MAP9: variants seen among roughly 807,000 people sequenced by gnomAD.
MAP9 encodes microtubule associated protein 9.
In MAP9, 80 loss-of-function variants were observed where a neutral mutation model predicts 75.2. That is an observed-to-expected ratio of 1.06 (90% confidence interval 0.89 to 1.28). The LOEUF (loss-of-function observed/expected upper bound fraction) is 1.28. Ranked by LOEUF, MAP9 falls within the 50% of genes most tolerant of loss-of-function variation. MAP9 has a pLI of 0.00. For synonymous variants in MAP9, 235 were observed against 237.3 expected (o/e 0.99, Z 0.09); for missense variants, 753 against 719.9 (o/e 1.05, Z -0.53).
chr4:155,361,987 C>T (rs2111241343), intron 6 of MAP9, 61 bp downstream of exon 6: 1 of 957,710 alleles, frequency 1.0e-6, no homozygotes, highest in East Asian at 2.5e-5. Context: ...ATTTCTCTTA[C>T]AAACAGGAGT....
In MAP9 at chr4:155,368,696, C is replaced by T. The variant is rs778932876; in HGVS notation, c.598G>A (p.Ala200Thr). 1 of 1,614,046 alleles carries T rather than the reference C, an allele frequency of 6.2e-7. No individual in the cohort carries two copies. The highest frequency in any genetic ancestry group is 1.7e-5 in the Admixed American group (1 of 60,014). ...EKDGLEDKET[A>T]LSEELELHSA... ...TGTAACTCCAATTCTTCACTGAGGG[C>T]AGTTTCTTTATCTTCTAGTCCATCC... The change falls in exon 5 of 14, where the codon GCC becomes ACC. Residue 200 changes from alanine to threonine, a missense_variant. Physicochemically the swap from Ala to Thr is moderately conservative, Grantham distance 58. Transcript: ENST00000311277.
intron 3 of MAP9, among the ~76,000 whole-genome samples, chr4:155,374,180 A>T (rs1196723454): frequency 6.6e-6 from 1 of 152,080 alleles, no homozygotes; most frequent in Non-Finnish European, 1.5e-5. Flanking sequence ...CTCTACTAAA[A>T]ATACAAAAAT....
chr4:155,368,943 G>T, intron 4 of MAP9, 131 bp from the exon 5 acceptor site: 1 of 677,730 alleles, frequency 1.5e-6, no homozygotes, highest in Non-Finnish European at 2.5e-6. Context: ...TCCAGATGAA[G>T]CCCACAACTC....
Position 155,362,005 on chromosome 4 carries a change from G to A in MAP9, c.802+43C>T, listed in dbSNP as rs760992451. 4 of 1,126,536 alleles carry A rather than the reference G, an allele frequency of 3.6e-6. No individual in the cohort carries two copies. The South Asian group carries it at 5.4e-5, about 15-fold the overall frequency. The allele number at this position is 1,126,536 out of a possible 1,614,324, so 69.8% of individuals were successfully genotyped here. A position where few individuals can be genotyped will look rare whatever the true frequency, so the allele number is the denominator to read the frequency against. Reference sequence around the variant, plus strand: ...TCTCTTACAAACAGGAGTCTAAGTAGTACAGAGTTCACATATAAGATATAA... The same window carrying A: ...TCTCTTACAAACAGGAGTCTAAGTAATACAGAGTTCACATATAAGATATAA... On this transcript the variant is annotated intron_variant, in intron 6 of 13. Coordinates refer to ENST00000311277, the MANE Select transcript of MAP9 (RefSeq NM_001039580.2).
At position 155,345,464 on chromosome 4, in the gene MAP9, GT is replaced by G. The variant is rs59922243; in HGVS notation, c.*2318del. On this transcript the variant is annotated 3_prime_UTR_variant, in exon 14 of 14. Coordinates refer to ENST00000311277, the MANE Select transcript of MAP9 (RefSeq NM_001039580.2). ...TTTTTGTTTTGTTTTGTTTTGTTTT[GT>G]TTTTTTGAGTGTTACAGCCTGGACT... 0.61 allele frequency: 92,424 copies of G among 151,194 alleles called. 29,017 individuals carry two copies. Among genetic ancestry groups the G allele is most frequent in the East Asian group, 0.79 (4,053 of 5,108 alleles). 9.4% of individuals were successfully genotyped at this position (151,194 alleles called of 1,614,324 possible).
rs1400672106 is a variant in MAP9 at position 155,352,643 on chromosome 4, T to C, written c.1774A>G (p.Lys592Glu). Residue 592 changes from lysine to glutamate, a missense_variant, in exon 13 of 14, where the codon AAA becomes GAA. Lys to Glu is a moderately conservative substitution (Grantham distance 56). Transcript: ENST00000311277. ...ATAGCTTGTTTATCTTTATCTTTTT[T>C]CTCAGCTCTTTTCAGTTCTTCCTTT... ...KRKEELKRAE[K>E]KDKDKQAINE... The C allele has an allele frequency of 6.4e-7, 1 of 1,554,242 alleles. No individual in the cohort carries two copies. The highest frequency in any genetic ancestry group is 1.8e-5 in the Admixed American group (1 of 54,350).
Position 155,353,057 on chromosome 4 carries a change from C to T in MAP9, c.1543G>A (p.Ala515Thr). 6.5e-7 allele frequency: 1 copy of T among 1,534,510 alleles called. No homozygotes were observed. Among genetic ancestry groups the T allele is most frequent in the Non-Finnish European group, 8.8e-7 (1 of 1,138,862 alleles). Residue 515 changes from alanine to threonine, a missense_variant and splice_region_variant, in exon 12 of 14, where the codon GCT becomes ACT. Ala to Thr is a moderately conservative substitution (Grantham distance 58). Coordinates refer to ENST00000311277, the MANE Select transcript of MAP9 (RefSeq NM_001039580.2). ...TTTTTCTCTTTCCATTTTTCAAAAG[C>T]CTGAAAAAGTTCAGAATAATTTTCT... ...NAARKGEALQ[A>T]FEKWKEKKME...
chr4:155,358,006 G>A (rs1038799643), intron 7 of MAP9, among the ~76,000 whole-genome samples: 1 of 152,174 alleles, frequency 6.6e-6, no homozygotes, highest in African/African-American at 2.4e-5. Flanking sequence ...CGTGGTCAGG[G>A]AAGAACCAGG....
At chr4:155,370,186 A>G (rs1230907198) in intron 4 of MAP9, among the ~76,000 whole-genome samples, 1 of 152,080 alleles carries the variant, frequency 6.6e-6, no homozygotes, top group Non-Finnish European at 1.5e-5. Flanking sequence ...TATCCTATCA[A>G]TTCTAATTGC....
At position 155,352,622 on chromosome 4, in the gene MAP9, CTTGT is replaced by C. The variant is rs769927094; in HGVS notation, c.1791_1794del (p.Gln598LeufsTer77). The C allele has an allele frequency of 1.9e-5, 30 of 1,545,670 alleles. No homozygotes were observed. The highest frequency in any genetic ancestry group is 4.6e-5 in the South Asian group (4 of 86,128). ...AGCCATTTTTCATATTCATTAATAG[CTTGT>C]TTATCTTTATCTTTTTTCTCAGCTC... On this transcript the variant is annotated frameshift_variant, in exon 13 of 14. Coordinates refer to ENST00000311277, the MANE Select transcript of MAP9 (RefSeq NM_001039580.2). LOFTEE classifies it high-confidence loss of function.
rs1731764054 is a variant in MAP9, at chr4:155,355,963, ATAATAT to A, written c.1122-85_1122-80del. ...GAGAGATCTGTTAGAATATGCACGT[ATAATAT>A]TTGAAAACTGGCCAGGCATGATGGC... On this transcript the variant is annotated intron_variant, in intron 8 of 13. Transcript: ENST00000311277. The A allele has an allele frequency of 3.3e-5, 42 of 1,287,988 alleles. 1 individual carries two copies. The South Asian group carries it at 6.0e-4, about 18-fold the overall frequency. 79.8% of individuals were successfully genotyped at this position (1,287,988 alleles called of 1,614,324 possible). A position where few individuals can be genotyped will look rare whatever the true frequency, so the allele number is the denominator to read the frequency against.
At chr4:155,356,500 C>T (rs1731794874) in intron 8 of MAP9, among the ~76,000 whole-genome samples, 1 of 152,072 alleles carries the variant, frequency 6.6e-6, no homozygotes, top group South Asian at 2.1e-4. Flanking sequence ...ATATGGACCA[C>T]TTCTCAAGTT....
intron 4 of MAP9, 194 bp downstream of exon 4, chr4:155,372,942 G>A (rs1732666416): frequency 4.6e-6 from 2 of 437,502 alleles, no homozygotes; most frequent in Admixed American, 4.3e-5. Context: ...CAACAGGTCT[G>A]TAAAATTGAA....
At chr4:155,355,495 G>A (rs1231944861) in intron 9 of MAP9, among the ~76,000 whole-genome samples, 3 of 152,208 alleles carry the variant, frequency 2.0e-5, no homozygotes, top group Non-Finnish European at 4.4e-5. Flanking sequence ...AAATTGCAAT[G>A]GCATATTCTT....
At chr4:155,352,756 G>A (rs1470757497) in intron 12 of MAP9, 28 bp from the exon 13 acceptor site, 1 of 1,510,634 alleles carries the variant, frequency 6.6e-7, no homozygotes, top group African/African-American at 1.4e-5. Flanking sequence ...AAACACTGGA[G>A]AGTTAAAGGA....
intron 3 of MAP9, among the ~76,000 whole-genome samples, chr4:155,373,664 T>A (rs1732706721): frequency 6.6e-6 from 1 of 152,176 alleles, no homozygotes; most frequent in African/African-American, 2.4e-5. Context: ...AAATTCCAAT[T>A]TCATTAATTT....
intron 3 of MAP9, among the ~76,000 whole-genome samples, chr4:155,374,507 A>C (rs1174928754): frequency 2.0e-5 from 3 of 152,036 alleles, no homozygotes; most frequent in Non-Finnish European, 4.4e-5. Flanking sequence ...TATCACAGCC[A>C]AAAAAAATCT....
chr4:155,364,015 A>G (rs1732208927), intron 5 of MAP9, among the ~76,000 whole-genome samples: 1 of 152,212 alleles, frequency 6.6e-6, no homozygotes. Context: ...CAGAATAAAC[A>G]TAAAGAAAGC....
At chr4:155,351,897 T>C (rs903999828) in intron 13 of MAP9, among the ~76,000 whole-genome samples, 1 of 152,018 alleles carries the variant, frequency 6.6e-6, no homozygotes, top group South Asian at 2.1e-4. Context: ...ACTATTCATA[T>C]GAATGTGTTA....
Sources: gnomAD v4.1 joint callset for allele counts (sites outside exome capture counted in the v4.1 genomes callset) on GRCh38, gnomAD v4.1.1 for gene constraint, MANE v1.5 for transcripts, NCBI Gene and HGNC (gene_info 2026-07-23, HGNC 2026-07-21) for gene names.